Variants in RLF observed in about 807,000 individuals in gnomAD.
The protein encoded by RLF is zinc finger protein Rlf.
A neutral mutation model predicts 162.9 loss-of-function variants in RLF; 7 were observed. That is an observed-to-expected ratio of 0.04 (90% CI 0.02 to 0.08). The LOEUF (loss-of-function observed/expected upper bound fraction) is 0.08, where lower values mean the gene tolerates loss of function less well. Among genes scored for constraint, RLF ranks in the 10% least tolerant of loss-of-function variants. The pLI, the probability that RLF is intolerant of heterozygous loss-of-function variation, is 1.00. For synonymous variants in RLF, 782 were observed against 791.5 expected (o/e 0.99, Z 0.20); for missense variants, 1,664 against 2,244.7 (o/e 0.74, Z 5.23).
At chr1:40,173,657 G>A (rs1642277674) in intron 1 of RLF, among the ~76,000 whole-genome samples, 1 of 151,966 alleles carries the variant, frequency 6.6e-6, no homozygotes, top group African/African-American at 2.4e-5. Context: ...GGGATTACAG[G>A]TGTGTGTCAT....
intron 1 of RLF, chr1:40,178,096 A>G (rs1027092362): frequency 6.7e-6 from 1 of 149,556 alleles, no homozygotes; most frequent in African/African-American, 2.6e-5. Context: ...ATATCTATAG[A>G]TATATATGAG....
chr1:40,202,431 A>G lies in RLF; in HGVS notation c.627A>G (p.Gln209=). The change falls in exon 5 of 8, where the codon CAA becomes CAG. Residue 209 remains glutamine, a synonymous_variant. Transcript: ENST00000372771. ...ETEEVNKLIA[Q]EGPSFLQMRI... ...TTCTAGTCAATAAATTGATTGCACAAGAAGGACCTTCCTTTCTGCAAATGC... is the reference window on the plus strand; with the variant it reads ...TTCTAGTCAATAAATTGATTGCACAGGAAGGACCTTCCTTTCTGCAAATGC... 6.3e-7 allele frequency: 1 copy of G among 1,576,192 alleles called. No individual in the cohort carries two copies.
At chr1:40,189,582 A>G (rs1392934960) in intron 2 of RLF, among the ~76,000 whole-genome samples, 1 of 152,254 alleles carries the variant, frequency 6.6e-6, no homozygotes, top group Admixed American at 6.5e-5. Context: ...TGAACTAAGA[A>G]TAATTTTATT....
At chr1:40,180,448 G>T (rs2124530380) in intron 1 of RLF, among the ~76,000 whole-genome samples, 1 of 152,144 alleles carries the variant, frequency 6.6e-6, no homozygotes, top group South Asian at 2.1e-4. Flanking sequence ...TTTCAGTAGA[G>T]ACAGGGTTTC....
At chr1:40,233,638 A>G (rs930516961) in intron 7 of RLF, among the ~76,000 whole-genome samples, 1 of 152,180 alleles carries the variant, frequency 6.6e-6, no homozygotes, top group African/African-American at 2.4e-5. Flanking sequence ...AAACTTCTAT[A>G]TTCTTTAGGC....
intron 5 of RLF, among the ~76,000 whole-genome samples, chr1:40,210,346 T>G (rs906731354): frequency 1.3e-5 from 2 of 152,186 alleles, no homozygotes; most frequent in African/African-American, 4.8e-5. Flanking sequence ...ATCCTTGAAT[T>G]GGAGCTTTAA....
intron 1 of RLF, among the ~76,000 whole-genome samples, chr1:40,179,518 T>C (rs887074362): frequency 6.6e-6 from 1 of 151,120 alleles, no homozygotes; most frequent in African/African-American, 2.4e-5. Flanking sequence ...AAATTTCTAA[T>C]CCAAAGTCTC....
chr1:40,189,971 A>G (rs1642534690), intron 2 of RLF, among the ~76,000 whole-genome samples: 1 of 152,206 alleles, frequency 6.6e-6, no homozygotes, highest in Non-Finnish European at 1.5e-5. Flanking sequence ...GTTTAGTGAG[A>G]TGACTTCTAG....
intron 7 of RLF, 27 bp from the exon 8 acceptor site, chr1:40,235,765 A>G (rs771392869): frequency 3.4e-6 from 5 of 1,458,040 alleles, no homozygotes; most frequent in African/African-American, 1.4e-5. Context: ...GCAAAAAAAT[A>G]ATTTTTTTAT....
intron 1 of RLF, among the ~76,000 whole-genome samples, chr1:40,176,914 G>A (rs1232468715): frequency 2.6e-5 from 4 of 151,474 alleles, no homozygotes; most frequent in African/African-American, 9.7e-5. Flanking sequence ...TTTCTCCCTA[G>A]GTTGTGCCTT....
Position 40,213,360 on chromosome 1 carries a change from G to T in RLF, c.811-9214G>T, listed in dbSNP as rs1447222358. 4.6e-5 allele frequency among the ~76,000 whole-genome samples: 7 copies of T among 152,304 alleles called. No homozygotes were observed. In the East Asian group the frequency reaches 1.3e-3, roughly 29 times the overall value. ...GATCAGACATATTGTCAAGAATTCA[G>T]CAGGACGTTTCAGCCTTCTTTCAGA... is the stretch of plus-strand genomic sequence containing the variant. On this transcript the variant is annotated intron_variant, in intron 5 of 7. Coordinates refer to ENST00000372771, the MANE Select transcript of RLF (RefSeq NM_012421.4).
At position 40,200,972 on chromosome 1, in the gene RLF, TACAC is replaced by T. The variant is rs1037003735; in HGVS notation, c.608-1431_608-1428del. ...TCCTTAGTATAAACCATTGCTACTC[TACAC>T]ACACACACCCCAGTGGTTTATCCTT... On this transcript the variant is annotated intron_variant, in intron 4 of 7. Transcript: ENST00000372771. Among the ~76,000 whole-genome samples, 4 of 98,946 alleles carry T rather than the reference TACAC, an allele frequency of 4.0e-5. No homozygotes were observed. In the East Asian group the frequency reaches 1.3e-3, roughly 32 times the overall value. The allele number at this position is 98,946 out of a possible 152,430, so 64.9% of individuals were successfully genotyped here. A position where few individuals can be genotyped will look rare whatever the true frequency, so the allele number is the denominator to read the frequency against.
intron 1 of RLF, among the ~76,000 whole-genome samples, chr1:40,172,419 A>G (rs1330033082): frequency 6.6e-6 from 1 of 152,252 alleles, no homozygotes; most frequent in Non-Finnish European, 1.5e-5. Context: ...TATTATAAAC[A>G]GTGTCCCATG....
chr1:40,206,710 A>G (rs1642800926), intron 5 of RLF, among the ~76,000 whole-genome samples: 1 of 152,076 alleles, frequency 6.6e-6, no homozygotes, highest in African/African-American at 2.4e-5. Flanking sequence ...TTATCTTGTA[A>G]TCTTAGTGCC....
chr1:40,224,910 C>G (rs974645766), intron 6 of RLF, among the ~76,000 whole-genome samples: 15 of 151,604 alleles, frequency 9.9e-5, no homozygotes, highest in African/African-American at 3.2e-4. Flanking sequence ...TCACTTGAAC[C>G]TGGGAGGCGG....
rs35333046 is a variant in RLF, at chr1:40,198,361, A to G, written c.607+2597A>G. On this transcript the variant is annotated intron_variant, in intron 4 of 7. Transcript: ENST00000372771. ...CTCTTGTTGCCCAGGCTGGAGTGCAATGGCGTGATCTCGGCTCACTGCAAC... is the reference window on the plus strand; with the variant it reads ...CTCTTGTTGCCCAGGCTGGAGTGCAGTGGCGTGATCTCGGCTCACTGCAAC... 9.4e-4 allele frequency among the ~76,000 whole-genome samples: 133 copies of G among 141,800 alleles called. 2 individuals carry two copies. The East Asian group carries it at 0.018, about 19-fold the overall frequency. The allele number at this position is 141,800 out of a possible 152,430, so 93.0% of individuals were successfully genotyped here. A position where few individuals can be genotyped will look rare whatever the true frequency, so the allele number is the denominator to read the frequency against.
intron 5 of RLF, among the ~76,000 whole-genome samples, chr1:40,216,822 C>T (rs1642930403): frequency 1.3e-5 from 2 of 152,096 alleles, no homozygotes; most frequent in Admixed American, 1.3e-4. Context: ...GAGGCAGAGG[C>T]GGGCAGATCA....
At chr1:40,208,651 CA>C (rs556206982) in intron 5 of RLF, among the ~76,000 whole-genome samples, 1 of 149,858 alleles carries the variant, frequency 6.7e-6, no homozygotes. Context: ...CCCATCTCTA[CA>C]AAAAAAAATG....
chr1:40,201,495 G>A lies in RLF; in HGVS notation c.608-917G>A, dbSNP rs112750060. Among the ~76,000 whole-genome samples the A allele has an allele frequency of 7.1e-3, 1,073 of 151,688 alleles. 14 individuals carry two copies. The highest frequency in any genetic ancestry group is 0.024 in the African/African-American group (981 of 41,298). Reference sequence around the variant, plus strand: ...CAATAAATTAGCCGGGCATGGTGGCGGGCACCTGTAGTCCCAGCTACTCGG... The same window carrying A: ...CAATAAATTAGCCGGGCATGGTGGCAGGCACCTGTAGTCCCAGCTACTCGG... On this transcript the variant is annotated intron_variant, in intron 4 of 7. Transcript: ENST00000372771.
Sources: gnomAD v4.1 joint callset for allele counts (sites outside exome capture counted in the v4.1 genomes callset) on GRCh38, gnomAD v4.1.1 for gene constraint, MANE v1.5 for transcripts, NCBI Gene and HGNC (gene_info 2026-07-23, HGNC 2026-07-21) for gene names.